The following RELCH variants were observed in gnomAD, a reference collection of about 807,000 sequenced individuals.
RELCH encodes RAB11-binding protein RELCH.
A neutral mutation model predicts 150.3 loss-of-function variants in RELCH; 41 were observed. The observed-to-expected ratio is 0.27, with a 90% CI of 0.21 to 0.35. The LOEUF (loss-of-function observed/expected upper bound fraction) is 0.35, where lower values mean the gene tolerates loss of function less well. RELCH is among the 10% of genes least tolerant of loss of function. The probability of loss-of-function intolerance (pLI) is 1.00; values close to 1 mark genes in which losing one functional copy is unlikely to be tolerated. For missense variants in RELCH, 1,092 were observed against 1,467.8 expected (o/e 0.74, Z 4.18); for synonymous variants, 478 against 531.8 (o/e 0.90, Z 1.39).
At chr18:62,201,591 C>T (rs900675942) in intron 1 of RELCH, among the ~76,000 whole-genome samples, 2 of 151,930 alleles carry the variant, frequency 1.3e-5, no homozygotes, top group African/African-American at 4.8e-5. Context: ...AAACAAAAAG[C>T]TCAAATAATA....
At chr18:62,303,211 C>T (rs2045743439) in intron 28 of RELCH, among the ~76,000 whole-genome samples, 1 of 151,916 alleles carries the variant, frequency 6.6e-6, no homozygotes, top group South Asian at 2.1e-4. Context: ...CCTGGGCCTC[C>T]TACCTCAGAT....
chr18:62,264,278 G>A (rs2043429858), intron 17 of RELCH, 133 bp downstream of exon 17: 4 of 653,804 alleles, frequency 6.1e-6, no homozygotes, highest in Non-Finnish European at 2.6e-6. Context: ...TTAGGACACA[G>A]AGGATTCACA....
intron 27 of RELCH, among the ~76,000 whole-genome samples, chr18:62,296,737 A>G (rs1194095515): frequency 1.3e-5 from 2 of 152,164 alleles, no homozygotes; most frequent in Non-Finnish European, 2.9e-5. Context: ...AAGGGATGTT[A>G]GATATTGTCA....
At chr18:62,252,390 A>G (rs1428807093) in intron 11 of RELCH, among the ~76,000 whole-genome samples, 1 of 151,990 alleles carries the variant, frequency 6.6e-6, no homozygotes, top group Non-Finnish European at 1.5e-5. Context: ...ATGGTGGTGA[A>G]CACTTATAGT....
chr18:62,235,856 C>G (rs982275957), intron 10 of RELCH, among the ~76,000 whole-genome samples: 4 of 151,966 alleles, frequency 2.6e-5, no homozygotes, highest in African/African-American at 9.7e-5. Context: ...TTTATGGGTT[C>G]TATGAGATTT....
chr18:62,223,115 G>A (rs543953461), intron 5 of RELCH, among the ~76,000 whole-genome samples: 1 of 150,932 alleles, frequency 6.6e-6, no homozygotes, highest in Non-Finnish European at 1.5e-5. Flanking sequence ...GTAGAAGAAA[G>A]GAAATGATAA....
rs370729040 is a variant in RELCH, at chr18:62,187,496, A to G, written c.-10A>G. 42 of 1,511,172 alleles carry G rather than the reference A, an allele frequency of 2.8e-5. No homozygotes were observed. The highest frequency in any genetic ancestry group is 3.3e-5 in the Non-Finnish European group (37 of 1,130,768). 93.6% of individuals were successfully genotyped at this position (1,511,172 alleles called of 1,614,324 possible). A position where few individuals can be genotyped will look rare whatever the true frequency, so the allele number is the denominator to read the frequency against. On this transcript the variant is annotated 5_prime_UTR_variant, in exon 1 of 29. Coordinates refer to ENST00000644646, the MANE Select transcript of RELCH (RefSeq NM_001346231.2). ...AGTCAGGGAGGCGCCCACACTCCTGACAGGATAAGATGGCGGCGATGGCGC... is the reference window on the plus strand; with the variant it reads ...AGTCAGGGAGGCGCCCACACTCCTGGCAGGATAAGATGGCGGCGATGGCGC...
chr18:62,278,599 ATCT>A (rs879337389), intron 22 of RELCH, among the ~76,000 whole-genome samples: 1 of 152,074 alleles, frequency 6.6e-6, no homozygotes, highest in Non-Finnish European at 1.5e-5. Context: ...GACATCTTTG[ATCT>A]TCTGTGAGGA....
rs552612909 is a variant in RELCH, at chr18:62,232,229, G to A, written c.1525-103G>A. 44 of 642,390 alleles carry A rather than the reference G, an allele frequency of 6.8e-5. No homozygotes were observed. In the East Asian group the frequency reaches 1.2e-3, roughly 17 times the overall value. 39.8% of individuals were successfully genotyped at this position (642,390 alleles called of 1,614,324 possible). On this transcript the variant is annotated intron_variant, in intron 9 of 28. Transcript: ENST00000644646. ...ATCATAAGTTAAAATATTGGAATGTGTGTTTAGGGCAGAGGTATCAGGGCC... is the reference window on the plus strand; with the variant it reads ...ATCATAAGTTAAAATATTGGAATGTATGTTTAGGGCAGAGGTATCAGGGCC...
chr18:62,219,325 C>CTTTTTTT (rs202196452), intron 2 of RELCH, among the ~76,000 whole-genome samples: 104 of 112,742 alleles, frequency 9.2e-4, no homozygotes, highest in Middle Eastern at 4.7e-3. Flanking sequence ...TTCTTTTTTT[C>CTTTTTTT]TTTTTTTTTT....
intron 20 of RELCH, 44 bp from the exon 21 acceptor site, chr18:62,273,936 A>T: frequency 8.4e-7 from 1 of 1,196,146 alleles, no homozygotes; most frequent in Non-Finnish European, 1.2e-6. Flanking sequence ...ATTTAGTTCT[A>T]CTTGATTGTT....
chr18:62,220,802 G>A, intron 2 of RELCH: 1 of 528,250 alleles, frequency 1.9e-6, no homozygotes. Flanking sequence ...CAGACAGCTA[G>A]AACATTTGAT....
At chr18:62,217,940 C>T (rs767860521) in intron 2 of RELCH, among the ~76,000 whole-genome samples, 6 of 151,894 alleles carry the variant, frequency 4.0e-5, no homozygotes, top group Non-Finnish European at 8.8e-5. Flanking sequence ...TTGCATCTTG[C>T]TTTCACTTAT....
chr18:62,205,308 A>C (rs1333026128), intron 1 of RELCH, among the ~76,000 whole-genome samples: 1 of 152,188 alleles, frequency 6.6e-6, no homozygotes, highest in Non-Finnish European at 1.5e-5. Context: ...GTAGTAACCC[A>C]AACTCATATT....
chr18:62,230,081 T>C (rs1374950638), intron 8 of RELCH, among the ~76,000 whole-genome samples: 1 of 152,022 alleles, frequency 6.6e-6, no homozygotes, highest in Non-Finnish European at 1.5e-5. Context: ...CTGTTCTATA[T>C]TCAGACATTG....
chr18:62,231,465 T>C (rs538309801), intron 9 of RELCH, among the ~76,000 whole-genome samples, 196 bp downstream of exon 9: 2 of 152,208 alleles, frequency 1.3e-5, no homozygotes, highest in Middle Eastern at 3.4e-3. Flanking sequence ...TTCTGTTTTT[T>C]CTATTAACAT....
intron 1 of RELCH, among the ~76,000 whole-genome samples, chr18:62,190,179 T>A (rs2038517352): frequency 6.6e-6 from 1 of 152,232 alleles, no homozygotes; most frequent in South Asian, 2.1e-4. Flanking sequence ...GGCACTATAC[T>A]TTTTAGCATC....
rs538838903 is a variant in RELCH, at chr18:62,231,402, C to T, written c.1524+133C>T. The T allele has an allele frequency of 3.8e-5, 21 of 558,118 alleles. No individual in the cohort carries two copies. The Admixed American group carries it at 6.6e-4, about 18-fold the overall frequency. 34.6% of individuals were successfully genotyped at this position (558,118 alleles called of 1,614,324 possible). ...TGCAAATCCATTATGTAAAATAATG[C>T]TCTAAGATATAGTTCCTAAAATTTT... On this transcript the variant is annotated intron_variant, in intron 9 of 28. Transcript: ENST00000644646.
chr18:62,269,794 A>C (rs918562250), intron 20 of RELCH, among the ~76,000 whole-genome samples: 1 of 152,200 alleles, frequency 6.6e-6, no homozygotes, highest in African/African-American at 2.4e-5. Flanking sequence ...TAGCATCACC[A>C]GAATACCTGT....
Sources: gnomAD v4.1 joint callset for allele counts (sites outside exome capture counted in the v4.1 genomes callset) on GRCh38, gnomAD v4.1.1 for gene constraint, MANE v1.5 for transcripts, NCBI Gene and HGNC (gene_info 2026-07-23, HGNC 2026-07-21) for gene names.